NCOA7: variants seen among roughly 807,000 people sequenced by gnomAD.
NCOA7 encodes the protein nuclear receptor coactivator 7, also known as 140 kDa estrogen receptor-associated protein.
A neutral mutation model predicts 104.3 loss-of-function variants in NCOA7; 45 were observed. The observed-to-expected ratio is 0.43, with a 90% CI of 0.34 to 0.55. The LOEUF is 0.55. NCOA7 is among the 20% of genes least tolerant of loss of function. NCOA7 has a pLI of 0.02. For synonymous variants in NCOA7, 398 were observed against 402.3 expected (o/e 0.99, Z 0.13); for missense variants, 1,041 against 1,119.7 (o/e 0.93, Z 1.00).
At chr6:125,787,764 GAA>G (rs1041891882), upstream of NCOA7, among the ~76,000 whole-genome samples, 3 of 152,292 alleles carry the variant, frequency 2.0e-5, no homozygotes, top group African/African-American at 7.2e-5. Context: ...CAAGAACAGT[GAA>G]AAGTGTTAGG....
intron 2 of NCOA7, among the ~76,000 whole-genome samples, chr6:125,822,955 A>C (rs554554967): frequency 6.7e-6 from 1 of 148,658 alleles, no homozygotes; most frequent in East Asian, 2.0e-4. Context: ...AAAAAACAAC[A>C]AAAAAAAACA....
intron 13 of NCOA7, among the ~76,000 whole-genome samples, chr6:125,926,661 A>G (rs1180494529): frequency 6.6e-6 from 1 of 152,198 alleles, no homozygotes; most frequent in East Asian, 1.9e-4. Flanking sequence ...CTAGCCTTCT[A>G]CCTAATACTT....
At chr6:125,825,982 AT>A (rs1778624888) in intron 2 of NCOA7, among the ~76,000 whole-genome samples, 1 of 152,222 alleles carries the variant, frequency 6.6e-6, no homozygotes. Flanking sequence ...AAATATAAAA[AT>A]TAGTTGTAAG....
chr6:125,840,867 GGTTTTTTTTTTTTTTTTT>G (rs1180634788), intron 2 of NCOA7, among the ~76,000 whole-genome samples: 1,386 of 50,652 alleles, frequency 0.027, 118 homozygotes, highest in African/African-American at 0.093. Context: ...TTGTTTGGTT[GGTTTTTTTTTTTTTTTTT>G]TTTTTTTTTT....
chr6:125,916,819 C>A (rs1324663265), intron 11 of NCOA7, among the ~76,000 whole-genome samples: 2 of 152,176 alleles, frequency 1.3e-5, no homozygotes, highest in African/African-American at 4.8e-5. Flanking sequence ...ATACATGGTT[C>A]TGAATTCATC....
chr6:125,900,834 T>TA (rs1483236831), intron 10 of NCOA7, among the ~76,000 whole-genome samples: 1 of 152,210 alleles, frequency 6.6e-6, no homozygotes, highest in African/African-American at 2.4e-5. Context: ...ACCTGGGTAT[T>TA]ACTAACCATT....
intron 10 of NCOA7, among the ~76,000 whole-genome samples, chr6:125,897,331 A>G (rs1402854113): frequency 1.3e-5 from 2 of 152,212 alleles, no homozygotes; most frequent in Non-Finnish European, 2.9e-5. Flanking sequence ...AGGATATTCA[A>G]TGGAAAGCTA....
rs560531288 is a variant in NCOA7, at chr6:125,882,409, T to C, written c.574-17T>C. On this transcript the variant is annotated splice_polypyrimidine_tract_variant and intron_variant, in intron 6 of 15. Transcript: ENST00000392477. Reference sequence around the variant, plus strand: ...AAAGTGCTTTTATTTGATTTTGAAATTTTTTGCTTTCACAAGGATGCTGAC... The same window carrying C: ...AAAGTGCTTTTATTTGATTTTGAAACTTTTTGCTTTCACAAGGATGCTGAC... The C allele has an allele frequency of 1.1e-5, 18 of 1,608,544 alleles. No homozygotes were observed. In the African/African-American group the frequency reaches 2.4e-4, roughly 22 times the overall value.
At chr6:125,869,330 C>T (rs546022064) in intron 3 of NCOA7, among the ~76,000 whole-genome samples, 3 of 152,276 alleles carry the variant, frequency 2.0e-5, no homozygotes, top group South Asian at 2.1e-4. Context: ...GTCTTCCCCC[C>T]CACCAGCATA....
chr6:125,844,096 A>G (rs548662866), intron 2 of NCOA7, among the ~76,000 whole-genome samples: 262 of 152,328 alleles, frequency 1.7e-3, no homozygotes, highest in African/African-American at 6.0e-3. Context: ...CTGTTTTAAC[A>G]GTACAAGGAA....
intron 3 of NCOA7, among the ~76,000 whole-genome samples, chr6:125,874,020 G>T (rs1583432889): frequency 6.6e-6 from 1 of 152,072 alleles, no homozygotes; most frequent in African/African-American, 2.4e-5. Flanking sequence ...GGCCATTTTT[G>T]ACCTTTAAAA....
chr6:125,786,057 T>C (rs1774451147), upstream of NCOA7: 1 of 152,172 alleles, frequency 6.6e-6, no homozygotes, highest in Admixed American at 6.5e-5. Context: ...AATTAACCAG[T>C]AGACAAATGA....
intron 1 of NCOA7, among the ~76,000 whole-genome samples, chr6:125,810,598 C>T (rs1038588055): frequency 1.3e-5 from 2 of 151,992 alleles, no homozygotes; most frequent in Non-Finnish European, 2.9e-5. Context: ...TTTAAGAAGC[C>T]CATTATGACC....
chr6:125,890,576 G>T, intron 9 of NCOA7, 66 bp from the exon 10 acceptor site: 2 of 1,460,610 alleles, frequency 1.4e-6, no homozygotes, highest in Non-Finnish European at 1.8e-6. Flanking sequence ...TTTTTTTTAA[G>T]TTGAAAAATT....
At chr6:125,830,129 A>G (rs1412229937) in intron 2 of NCOA7, among the ~76,000 whole-genome samples, 2 of 152,154 alleles carry the variant, frequency 1.3e-5, no homozygotes, top group Non-Finnish European at 2.9e-5. Context: ...TTGTTTTTAA[A>G]TTTTTGGTTA....
intron 3 of NCOA7, among the ~76,000 whole-genome samples, chr6:125,867,601 G>C (rs959919855): frequency 1.3e-5 from 2 of 152,120 alleles, no homozygotes; most frequent in Admixed American, 6.5e-5. Context: ...CTTTATCCTG[G>C]AGTTTCCATT....
At chr6:125,817,617 T>C (rs371903001) in intron 2 of NCOA7, among the ~76,000 whole-genome samples, 3 of 152,242 alleles carry the variant, frequency 2.0e-5, no homozygotes, top group African/African-American at 7.2e-5. Flanking sequence ...AATTGAATTG[T>C]TTAGGTTTTT....
At chr6:125,834,955 A>G (rs1156539435) in intron 2 of NCOA7, among the ~76,000 whole-genome samples, 2 of 152,194 alleles carry the variant, frequency 1.3e-5, no homozygotes, top group Non-Finnish European at 2.9e-5. Context: ...TGCTTGTGGC[A>G]ATAGCAGGCT....
chr6:125,882,105 C>T (rs1783888340), intron 6 of NCOA7, among the ~76,000 whole-genome samples: 3 of 152,262 alleles, frequency 2.0e-5, no homozygotes, highest in East Asian at 1.9e-4. Flanking sequence ...CTGCCCACCC[C>T]GGCCTCCCAA....
Sources: allele counts gnomAD v4.1 joint callset (sites outside exome capture counted in the v4.1 genomes callset), GRCh38; gene constraint gnomAD v4.1.1; transcripts MANE v1.5; gene names NCBI Gene and HGNC (gene_info 2026-07-23, HGNC 2026-07-21).